The following CDH7 variants were observed in gnomAD, a reference collection of about 807,000 sequenced individuals.
CDH7 encodes the protein cadherin-7.
CDH7 carries 25 observed loss-of-function variants against 71.8 expected under a neutral mutation model. That is an observed-to-expected ratio of 0.35 (90% CI 0.25 to 0.49). CDH7 has a LOEUF of 0.49. Ranked by LOEUF, CDH7 falls within the 20% of genes least tolerant of loss-of-function variation. The pLI is 0.99. For missense variants in CDH7, 862 were observed against 974.6 expected, an observed-to-expected ratio of 0.88 and a Z score of 1.54; for synonymous variants, 381 against 363.8, an observed-to-expected ratio of 1.05 and a Z score of -0.54.
intron 2 of CDH7, among the ~76,000 whole-genome samples, chr18:65,806,835 G>T (rs534396437): frequency 6.6e-6 from 1 of 152,248 alleles, no homozygotes; most frequent in East Asian, 1.9e-4. Context: ...CCACCTGTTA[G>T]GATTAGTATA....
At chr18:65,842,092 C>T (rs1912754570) in intron 6 of CDH7, among the ~76,000 whole-genome samples, 1 of 152,104 alleles carries the variant, frequency 6.6e-6, no homozygotes, top group Non-Finnish European at 1.5e-5. Flanking sequence ...TCCCTTATCT[C>T]TCATTTTAAC....
chr18:65,760,157 T>C lies in CDH7; in HGVS notation c.-196-2490T>C, dbSNP rs530055041. 3.3e-5 allele frequency among the ~76,000 whole-genome samples: 5 copies of C among 152,330 alleles called. No homozygotes were observed. The South Asian group carries it at 1.0e-3, about 32-fold the overall frequency. On this transcript the variant is annotated intron_variant, in intron 1 of 11. Coordinates refer to ENST00000397968, the MANE Select transcript of CDH7 (RefSeq NM_004361.5). ...TATGATAATAATCCCAAGAACTTTT[T>C]AAAAATACATTTTTGATTGCCAGGC...
chr18:65,835,978 G>A (rs535521384), intron 6 of CDH7, among the ~76,000 whole-genome samples: 7 of 152,290 alleles, frequency 4.6e-5, no homozygotes, highest in Admixed American at 6.5e-5. Flanking sequence ...GAGGAAAGAA[G>A]GATGAGTCAG....
chr18:65,822,684 G>T (rs561036497), intron 5 of CDH7, among the ~76,000 whole-genome samples: 1 of 151,916 alleles, frequency 6.6e-6, no homozygotes, highest in Admixed American at 6.6e-5. Context: ...AGTAATAAAT[G>T]TTTTCATTTT....
At chr18:65,769,356 A>C (rs1916476278) in intron 2 of CDH7, among the ~76,000 whole-genome samples, 1 of 152,210 alleles carries the variant, frequency 6.6e-6, no homozygotes, top group African/African-American at 2.4e-5. Flanking sequence ...TTTTAAACAC[A>C]GCCCTGAAAC....
rs200938364 is a variant in CDH7, at chr18:65,855,352, G to A, written c.1236-2464G>A. ...TAAACGTCTACCAACATTGACAAAGGAAAAAAAAAAGCAGAAAAAATGATA... is the reference window on the plus strand; with the variant it reads ...TAAACGTCTACCAACATTGACAAAGAAAAAAAAAAAGCAGAAAAAATGATA... On this transcript the variant is annotated intron_variant, in intron 7 of 11. Coordinates refer to ENST00000397968, the MANE Select transcript of CDH7 (RefSeq NM_004361.5). 7.6e-3 allele frequency among the ~76,000 whole-genome samples: 1,102 copies of A among 145,168 alleles called. 31 individuals are homozygous for A. The highest frequency in any genetic ancestry group is 0.05 in the Admixed American group (738 of 14,646).
chr18:65,758,739 T>C (rs1029759089), intron 1 of CDH7, among the ~76,000 whole-genome samples: 2 of 152,218 alleles, frequency 1.3e-5, no homozygotes, highest in African/African-American at 4.8e-5. Flanking sequence ...TTGTGACTTA[T>C]AAACATGGTT....
rs777319527 is a variant in CDH7 at position 65,886,048 on chromosome 18, T to A, written c.*5154T>A. 4 of 152,166 alleles carry A rather than the reference T, an allele frequency of 2.6e-5. No homozygotes were observed. The highest frequency in any genetic ancestry group is 5.9e-5 in the Non-Finnish European group (4 of 68,028). 9.4% of individuals were successfully genotyped at this position (152,166 alleles called of 1,614,324 possible). On this transcript the variant is annotated 3_prime_UTR_variant, in exon 12 of 12. Transcript: ENST00000397968. ...ACCAGAAATTACCTCTGGTCTGTGG[T>A]TATAAAATCTAGGTCAGAAGCTCAG...
intron 2 of CDH7, among the ~76,000 whole-genome samples, chr18:65,781,772 TTCCTTCCTTCCTTCC>T (rs1910206594): frequency 1.7e-4 from 13 of 75,742 alleles, no homozygotes; most frequent in East Asian, 8.5e-4. Context: ...CTTTCTTTCC[TTCCTTCCTTCCTTCC>T]TTCCTTCCTT....
intron 7 of CDH7, among the ~76,000 whole-genome samples, chr18:65,855,043 A>G (rs1412408616): frequency 6.6e-6 from 1 of 152,006 alleles, no homozygotes; most frequent in Non-Finnish European, 1.5e-5. Flanking sequence ...TGAAACCTGG[A>G]TAGAGTGGAG....
rs1913428382 is a variant in CDH7 at position 65,858,036 on chromosome 18, A to T, written c.1372+84A>T. On this transcript the variant is annotated intron_variant, in intron 8 of 11. Transcript: ENST00000397968. ...GTCATGAGGTTGTAAATTCAAGTTA[A>T]TTAAAGTAGTTCCTTCTTTGAATTG... 9.0e-6 allele frequency: 12 copies of T among 1,330,998 alleles called. No homozygotes were observed. In the South Asian group the frequency reaches 1.6e-4, roughly 18 times the overall value. 82.4% of individuals were successfully genotyped at this position (1,330,998 alleles called of 1,614,324 possible). A position where few individuals can be genotyped will look rare whatever the true frequency, so the allele number is the denominator to read the frequency against.
rs778641413 is a variant in CDH7 at position 65,880,759 on chromosome 18, T to G, written c.2223T>G (p.Val741=). The change falls in exon 12 of 12, where the codon GTT becomes GTG. Residue 741 remains valine, a synonymous_variant. Coordinates refer to ENST00000397968, the MANE Select transcript of CDH7 (RefSeq NM_004361.5). The part of the protein sequence containing the change: ...QTYAFEGNGS[V]AESLSSLDSI... ...ATGCTTTTGAAGGAAATGGCTCAGTTGCTGAATCACTCAGCTCTTTAGATT... is the reference window on the plus strand; with the variant it reads ...ATGCTTTTGAAGGAAATGGCTCAGTGGCTGAATCACTCAGCTCTTTAGATT... The G allele has an allele frequency of 1.2e-6, 2 of 1,614,164 alleles. No individual in the cohort carries two copies. Among genetic ancestry groups the G allele is most frequent in the East Asian group, 2.2e-5 (1 of 44,860 alleles).
At chr18:65,802,196 G>T (rs1420741232) in intron 2 of CDH7, among the ~76,000 whole-genome samples, 3 of 152,064 alleles carry the variant, frequency 2.0e-5, no homozygotes, top group East Asian at 3.8e-4. Context: ...AGGCTAAGGG[G>T]TTTTTTGTTG....
At chr18:65,857,025 AAAAAAG>A (rs1171194869) in intron 7 of CDH7, among the ~76,000 whole-genome samples, 13 of 150,618 alleles carry the variant, frequency 8.6e-5, no homozygotes, top group South Asian at 2.2e-4. Context: ...TTAAAAAAAA[AAAAAAG>A]AAAGAGGGTT....
intron 6 of CDH7, among the ~76,000 whole-genome samples, chr18:65,835,946 T>C (rs1912518492): frequency 6.6e-6 from 1 of 152,156 alleles, no homozygotes; most frequent in African/African-American, 2.4e-5. Context: ...TTGGGTGCAG[T>C]ATAATCACAA....
At chr18:65,791,454 G>C (rs1408064568) in intron 2 of CDH7, among the ~76,000 whole-genome samples, 1 of 152,160 alleles carries the variant, frequency 6.6e-6, no homozygotes, top group African/African-American at 2.4e-5. Flanking sequence ...AAATGAGGTA[G>C]AGGAAGCATC....
chr18:65,838,563 G>C (rs958308434), intron 6 of CDH7, among the ~76,000 whole-genome samples: 1 of 152,154 alleles, frequency 6.6e-6, no homozygotes, highest in Non-Finnish European at 1.5e-5. Context: ...GAGAAATTTA[G>C]AAGAATTTAA....
intron 6 of CDH7, among the ~76,000 whole-genome samples, chr18:65,831,382 C>T (rs949035119): frequency 6.6e-6 from 1 of 152,114 alleles, no homozygotes; most frequent in Non-Finnish European, 1.5e-5. Context: ...CAAAGGCAGG[C>T]TTTACCGCCA....
intron 2 of CDH7, among the ~76,000 whole-genome samples, chr18:65,806,817 A>AT (rs762891197): frequency 1.3e-5 from 2 of 152,090 alleles, no homozygotes; most frequent in Non-Finnish European, 2.9e-5. Context: ...AAGAGTGTGG[A>AT]TTTCACTCCA....
Sources: allele counts gnomAD v4.1 joint callset (sites outside exome capture counted in the v4.1 genomes callset), GRCh38; gene constraint gnomAD v4.1.1; transcripts MANE v1.5; gene names NCBI Gene and HGNC (gene_info 2026-07-23, HGNC 2026-07-21).